HPSE2: variants seen among roughly 807,000 people sequenced by gnomAD.
HPSE2 encodes heparanase 2 (inactive), also known as inactive heparanase-2.
A neutral mutation model predicts 60.5 loss-of-function variants in HPSE2; 38 were observed. That is an observed-to-expected ratio of 0.63 (90% CI 0.48 to 0.82). The LOEUF (loss-of-function observed/expected upper bound fraction) is 0.82, where lower values mean the gene tolerates loss of function less well. Ranked by LOEUF, HPSE2 falls within the 40% of genes least tolerant of loss-of-function variation. HPSE2 has a pLI of 0.00. For synonymous variants in HPSE2, 295 were observed against 293.2 expected, an observed-to-expected ratio of 1.01 and a Z score of -0.06; for missense variants, 713 against 740.4, an observed-to-expected ratio of 0.96 and a Z score of 0.43.
the HPSE2 span, among the ~76,000 whole-genome samples, chr10:99,289,768 G>A: frequency 2.0e-5 from 3 of 152,082 alleles, no homozygotes; most frequent in Non-Finnish European, 2.9e-5. Flanking sequence ...AAGCTTATTT[G>A]TAATGTTCTT....
At chr10:98,734,013 C>G (rs934863695) in intron 4 of HPSE2, among the ~76,000 whole-genome samples, 6 of 152,188 alleles carry the variant, frequency 3.9e-5, no homozygotes, top group Non-Finnish European at 8.8e-5. Context: ...CCCCTCACCC[C>G]TCATGGGCTC....
intron 3 of HPSE2, among the ~76,000 whole-genome samples, chr10:99,015,796 T>C (rs1481508595): frequency 1.3e-5 from 2 of 152,216 alleles, no homozygotes; most frequent in East Asian, 3.9e-4. Context: ...TGTGCACATG[T>C]ACCCTAAAAC....
chr10:98,460,192 T>G (rs1295675192), intron 11 of HPSE2, among the ~76,000 whole-genome samples: 1 of 152,222 alleles, frequency 6.6e-6, no homozygotes, highest in Non-Finnish European at 1.5e-5. Context: ...ATACATGGGC[T>G]TAAGATGACT....
chr10:98,979,590 G>T (rs372773347), intron 3 of HPSE2, among the ~76,000 whole-genome samples: 1 of 152,088 alleles, frequency 6.6e-6, no homozygotes, highest in East Asian at 1.9e-4. Flanking sequence ...TTTTTAAACA[G>T]AAACATTTAC....
intron 3 of HPSE2, among the ~76,000 whole-genome samples, chr10:98,777,401 A>G (rs1950365215): frequency 6.6e-6 from 1 of 152,210 alleles, no homozygotes; most frequent in Admixed American, 6.5e-5. Context: ...GCAAACTCTC[A>G]TTGAATCTTC....
At chr10:99,112,365 G>T (rs551261277) in intron 3 of HPSE2, among the ~76,000 whole-genome samples, 1 of 151,992 alleles carries the variant, frequency 6.6e-6, no homozygotes, top group African/African-American at 2.4e-5. Flanking sequence ...TCAGCCTCCC[G>T]AGTAGCTAGG....
intron 3 of HPSE2, among the ~76,000 whole-genome samples, chr10:99,119,932 T>C (rs1162589244): frequency 1.3e-5 from 2 of 152,104 alleles, no homozygotes; most frequent in Non-Finnish European, 2.9e-5. Flanking sequence ...TTACACCATA[T>C]ACAAAAATCA....
chr10:99,236,127 T>TACGA (rs1440495474), upstream of HPSE2, among the ~76,000 whole-genome samples: 1 of 151,464 alleles, frequency 6.6e-6, no homozygotes, highest in East Asian at 1.9e-4. Flanking sequence ...ACCGCCCCTT[T>TACGA]AAGAGATTTC....
intron 3 of HPSE2, among the ~76,000 whole-genome samples, chr10:98,788,880 T>C (rs1461602184): frequency 6.6e-6 from 1 of 151,820 alleles, no homozygotes; most frequent in Non-Finnish European, 1.5e-5. Flanking sequence ...GTACCTCAGA[T>C]GGAAATGCAG....
At chr10:98,837,501 A>T (rs543384851) in intron 3 of HPSE2, among the ~76,000 whole-genome samples, 1 of 152,364 alleles carries the variant, frequency 6.6e-6, no homozygotes, top group East Asian at 1.9e-4. Context: ...TAGGAAACAA[A>T]GATCAAATTT....
chr10:98,836,404 C>G (rs1312171922), intron 3 of HPSE2, among the ~76,000 whole-genome samples: 1 of 152,188 alleles, frequency 6.6e-6, no homozygotes, highest in Non-Finnish European at 1.5e-5. Context: ...TAGCACAGAA[C>G]CCAGAATGCT....
chr10:98,913,601 C>T (rs1351122266), intron 3 of HPSE2, among the ~76,000 whole-genome samples: 2 of 152,128 alleles, frequency 1.3e-5, no homozygotes, highest in South Asian at 2.1e-4. Flanking sequence ...GATAACACCA[C>T]TCAAAAGACA....
chr10:99,118,420 G>A (rs1422314375), intron 3 of HPSE2, among the ~76,000 whole-genome samples: 1 of 151,662 alleles, frequency 6.6e-6, no homozygotes, highest in South Asian at 2.1e-4. Flanking sequence ...CTACTCAGGA[G>A]GCTGAGGCAG....
At chr10:98,980,246 AT>A (rs1956175808) in intron 3 of HPSE2, among the ~76,000 whole-genome samples, 2 of 152,208 alleles carry the variant, frequency 1.3e-5, no homozygotes, top group Admixed American at 6.5e-5. Flanking sequence ...GAATTAAATA[AT>A]TATGTTAATC....
At chr10:98,905,370 CT>C (rs1226127690) in intron 3 of HPSE2, among the ~76,000 whole-genome samples, 1 of 146,660 alleles carries the variant, frequency 6.8e-6, no homozygotes, top group Non-Finnish European at 1.5e-5. Context: ...TCCATGTGAT[CT>C]CATTGTTCAA....
At chr10:99,060,008 A>G (rs1324858528) in intron 3 of HPSE2, among the ~76,000 whole-genome samples, 1 of 152,028 alleles carries the variant, frequency 6.6e-6, no homozygotes, top group Non-Finnish European at 1.5e-5. Flanking sequence ...AATTAGAAAT[A>G]TGCCATAAAA....
the HPSE2 span, among the ~76,000 whole-genome samples, chr10:99,256,639 C>G: frequency 6.6e-6 from 1 of 151,840 alleles, no homozygotes; most frequent in South Asian, 2.1e-4. Context: ...AAATAAAAAG[C>G]ATTTATATTT....
At chr10:99,158,235 C>T in intron 2 of HPSE2, among the ~76,000 whole-genome samples, 1 of 79,502 alleles carries the variant, frequency 1.3e-5, no homozygotes, top group Non-Finnish European at 2.8e-5. Context: ...CCATTTGACC[C>T]AGCCATCCCA....
chr10:98,776,901 G>A (rs190757722), intron 3 of HPSE2, among the ~76,000 whole-genome samples: 17 of 152,270 alleles, frequency 1.1e-4, no homozygotes, highest in African/African-American at 3.9e-4. Flanking sequence ...TGCATGCTAA[G>A]GGCTAAAATG....
Sources: gnomAD v4.1 joint callset for allele counts (sites outside exome capture counted in the v4.1 genomes callset) on GRCh38, gnomAD v4.1.1 for gene constraint, MANE v1.5 for transcripts, NCBI Gene and HGNC (gene_info 2026-07-23, HGNC 2026-07-21) for gene names.